The following GALNT17 variants were observed in gnomAD, a reference collection of about 807,000 sequenced individuals.
GALNT17 encodes the protein polypeptide N-acetylgalactosaminyltransferase 17.
Under a neutral mutation model 63.7 loss-of-function variants are expected in GALNT17, and 29 were observed. The ratio of observed to expected loss-of-function variants is 0.46; its 90% confidence interval spans 0.34 to 0.62. The LOEUF is 0.62. Among genes scored for constraint, GALNT17 ranks in the 20% least tolerant of loss-of-function variants. The probability of loss-of-function intolerance (pLI) is 0.01; values close to 1 mark genes in which losing one functional copy is unlikely to be tolerated. For synonymous variants in GALNT17, 305 were observed against 318.3 expected, an observed-to-expected ratio of 0.96 and a Z score of 0.45; for missense variants, 603 against 799.6, an observed-to-expected ratio of 0.75 and a Z score of 2.97.
intron 6 of GALNT17, among the ~76,000 whole-genome samples, chr7:71,613,471 G>A (rs185366061): frequency 5.0e-4 from 76 of 152,296 alleles, no homozygotes; most frequent in Non-Finnish European, 7.5e-4. Context: ...GCAGCCCTGG[G>A]AAGCAGTGTC....
At chr7:71,302,965 A>G (rs996488321) in intron 1 of GALNT17, among the ~76,000 whole-genome samples, 1 of 151,936 alleles carries the variant, frequency 6.6e-6, no homozygotes, top group African/African-American at 2.4e-5. Context: ...CCTGGGTTCA[A>G]GCAATTCTCC....
At chr7:71,613,490 G>A (rs1790154140) in intron 6 of GALNT17, among the ~76,000 whole-genome samples, 1 of 152,226 alleles carries the variant, frequency 6.6e-6, no homozygotes, top group South Asian at 2.1e-4. Flanking sequence ...TCACTCTGCA[G>A]ACGTTTCAGC....
intron 1 of GALNT17, among the ~76,000 whole-genome samples, chr7:71,232,135 A>C (rs1220497304): frequency 6.6e-6 from 1 of 152,196 alleles, no homozygotes; most frequent in African/African-American, 2.4e-5. Context: ...GCAAATATTG[A>C]GAAAGAGAGT....
At chr7:71,697,528 A>G (rs1791563283) in intron 9 of GALNT17, among the ~76,000 whole-genome samples, 1 of 152,156 alleles carries the variant, frequency 6.6e-6, no homozygotes, top group Admixed American at 6.5e-5. Flanking sequence ...TTGGCTCCAC[A>G]CTGCAGGAAT....
intron 4 of GALNT17, among the ~76,000 whole-genome samples, chr7:71,417,281 A>G (rs1454125208): frequency 6.6e-6 from 1 of 152,178 alleles, no homozygotes; most frequent in Non-Finnish European, 1.5e-5. Context: ...GCAGGATAAA[A>G]AGACAATGTT....
At chr7:71,610,098 A>G (rs1376487659) in intron 6 of GALNT17, among the ~76,000 whole-genome samples, 3 of 152,176 alleles carry the variant, frequency 2.0e-5, no homozygotes. Context: ...TAGAAAATTT[A>G]CAGACCTTAT....
At chr7:71,664,286 C>G (rs1790950969) in intron 6 of GALNT17, among the ~76,000 whole-genome samples, 1 of 152,124 alleles carries the variant, frequency 6.6e-6, no homozygotes, top group Admixed American at 6.6e-5. Flanking sequence ...GCATCTGTAC[C>G]TGTAGGACTC....
intron 9 of GALNT17, among the ~76,000 whole-genome samples, chr7:71,705,855 C>T (rs577165498): frequency 3.7e-4 from 56 of 152,212 alleles, no homozygotes; most frequent in Admixed American, 1.2e-3. Flanking sequence ...AGAAATACAC[C>T]TAGACAAAGA....
intron 1 of GALNT17, among the ~76,000 whole-genome samples, chr7:71,145,785 A>T (rs1410680894): frequency 6.6e-6 from 1 of 152,118 alleles, no homozygotes; most frequent in Admixed American, 6.5e-5. Flanking sequence ...GGCTCACTAT[A>T]ACCTTCACCT....
At chr7:71,607,679 A>G (rs931185023) in intron 6 of GALNT17, among the ~76,000 whole-genome samples, 3 of 152,222 alleles carry the variant, frequency 2.0e-5, no homozygotes, top group African/African-American at 7.2e-5. Flanking sequence ...ATGACCTGCC[A>G]GGGTTGTAAG....
chr7:71,473,263 CAG>C, intron 5 of GALNT17, among the ~76,000 whole-genome samples: 1 of 152,268 alleles, frequency 6.6e-6, no homozygotes. Flanking sequence ...TGGCAGGCTT[CAG>C]AGAGAATAGA....
chr7:71,704,817 A>G (rs1791699786), intron 9 of GALNT17, among the ~76,000 whole-genome samples: 1 of 152,140 alleles, frequency 6.6e-6, no homozygotes, highest in Non-Finnish European at 1.5e-5. Context: ...ATCCACATGA[A>G]AAAGAGTGAA....
rs144836648 is a variant in GALNT17 at position 71,274,928 on chromosome 7, G to A, written c.239-60622G>A. ...AACATTGTTATACTACTGATGGGCT[G>A]GGGACCATGCTTGGCCCTGGGGGGT... On this transcript the variant is annotated intron_variant, in intron 1 of 10. Transcript: ENST00000333538. Among the ~76,000 whole-genome samples the A allele has an allele frequency of 1.9e-3, 282 of 152,326 alleles. 1 individual carries two copies. The highest frequency in any genetic ancestry group is 3.4e-3 in the Admixed American group (52 of 15,300).
At chr7:71,692,225 C>G (rs1391897925) in intron 9 of GALNT17, among the ~76,000 whole-genome samples, 1 of 152,112 alleles carries the variant, frequency 6.6e-6, no homozygotes, top group Admixed American at 6.6e-5. Context: ...GTGCCTGGCC[C>G]TTCTTTTTTA....
chr7:71,436,012 T>G (rs911456164), intron 5 of GALNT17, among the ~76,000 whole-genome samples: 2 of 115,620 alleles, frequency 1.7e-5, no homozygotes, highest in Non-Finnish European at 3.6e-5. Context: ...AGAACGAGAC[T>G]CCTTCTCAAA....
At chr7:71,440,139 A>G (rs1372310739) in intron 5 of GALNT17, among the ~76,000 whole-genome samples, 3 of 151,778 alleles carry the variant, frequency 2.0e-5, no homozygotes, top group African/African-American at 7.3e-5. Flanking sequence ...CATGTTGGCC[A>G]GACTGGTCTC....
At chr7:71,533,739 A>G (rs796330126) in intron 5 of GALNT17, among the ~76,000 whole-genome samples, 3 of 152,314 alleles carry the variant, frequency 2.0e-5, no homozygotes, top group African/African-American at 4.8e-5. Context: ...CGGAAAGCCA[A>G]TCACTGAAAC....
chr7:71,524,557 A>G (rs1264101289), intron 5 of GALNT17, among the ~76,000 whole-genome samples: 1 of 152,124 alleles, frequency 6.6e-6, no homozygotes, highest in Non-Finnish European at 1.5e-5. Context: ...ACGGTATGCC[A>G]GAAGCATTCC....
intron 2 of GALNT17, among the ~76,000 whole-genome samples, chr7:71,360,589 C>T (rs1792379668): frequency 6.6e-6 from 1 of 152,166 alleles, no homozygotes; most frequent in African/African-American, 2.4e-5. Context: ...TGCCATTGTT[C>T]CTCTCTCCTA....
Sources: allele counts gnomAD v4.1 joint callset (sites outside exome capture counted in the v4.1 genomes callset), GRCh38; gene constraint gnomAD v4.1.1; transcripts MANE v1.5; gene names NCBI Gene and HGNC (gene_info 2026-07-23, HGNC 2026-07-21).